CNRIP1: variants seen among roughly 807,000 people sequenced by gnomAD.
The protein encoded by CNRIP1 is CB1 cannabinoid receptor-interacting protein 1.
A neutral mutation model predicts 15.2 loss-of-function variants in CNRIP1; 10 were observed. The observed-to-expected ratio is 0.66, with a 90% CI of 0.41 to 1.12. The LOEUF is 1.12. CNRIP1 is among the 50% of genes most tolerant of loss of function. The pLI is 0.00. For missense variants in CNRIP1, 211 were observed against 214.7 expected, an observed-to-expected ratio of 0.98 and a Z score of 0.11; for synonymous variants, 91 against 83.2, an observed-to-expected ratio of 1.09 and a Z score of -0.51.
chr2:68,309,187 AG>A (rs1485967829), intron 2 of CNRIP1, among the ~76,000 whole-genome samples: 1 of 152,184 alleles, frequency 6.6e-6, no homozygotes, highest in Non-Finnish European at 1.5e-5. Context: ...AACTTGTTTA[AG>A]GGTGTTGTTT....
chr2:68,304,727 T>C (rs1279414073), intron 2 of CNRIP1, among the ~76,000 whole-genome samples: 1 of 151,952 alleles, frequency 6.6e-6, no homozygotes, highest in Non-Finnish European at 1.5e-5. Flanking sequence ...TTCATGCCAT[T>C]CTCCTGCCTC....
chr2:68,291,097 A>G (rs1027325186), downstream of CNRIP1, among the ~76,000 whole-genome samples: 1 of 152,220 alleles, frequency 6.6e-6, no homozygotes, highest in African/African-American at 2.4e-5. Flanking sequence ...AGAAGTAGCC[A>G]GAGAGACTGG....
At chr2:68,308,008 CAT>C (rs1671922626) in intron 2 of CNRIP1, among the ~76,000 whole-genome samples, 1 of 152,002 alleles carries the variant, frequency 6.6e-6, no homozygotes, top group South Asian at 2.1e-4. Context: ...GCCTGGGCAA[CAT>C]AGTGAGACTC....
At chr2:68,306,695 C>T (rs372856363) in intron 2 of CNRIP1, among the ~76,000 whole-genome samples, 1 of 151,558 alleles carries the variant, frequency 6.6e-6, no homozygotes, top group East Asian at 1.9e-4. Context: ...GCAGGAGAAT[C>T]GCTTGAACCT....
intron 2 of CNRIP1, among the ~76,000 whole-genome samples, chr2:68,285,668 A>AG (rs1553413239): frequency 6.4e-5 from 8 of 124,456 alleles, no homozygotes; most frequent in African/African-American, 2.4e-4. Context: ...AAAAAAAAAA[A>AG]AAAAGAAAAG....
chr2:68,294,086 A>G (rs1487837732), intron 2 of CNRIP1, 60 bp from the exon 3 acceptor site: 1 of 1,534,206 alleles, frequency 6.5e-7, no homozygotes, highest in Non-Finnish European at 8.9e-7. Context: ...AATAGATGAG[A>G]GCTAACATTA....
At chr2:68,306,445 T>A (rs1443223507) in intron 2 of CNRIP1, among the ~76,000 whole-genome samples, 5 of 152,088 alleles carry the variant, frequency 3.3e-5, no homozygotes, top group African/African-American at 1.2e-4. Context: ...TATTCCACTA[T>A]CTAATCTCTA....
chr2:68,293,877 C>CT lies in CNRIP1; in HGVS notation c.479dup (p.Glu161GlyfsTer24). ...AGAGCCACTTTCAGAGGAAGGACTC[C>CT]TTGTTCACCCACATCAGACTGCGTG... On this transcript the variant is annotated frameshift_variant, in exon 3 of 3. Transcript: ENST00000263655. LOFTEE classifies it high-confidence loss of function. 6.2e-7 allele frequency: 1 copy of CT among 1,613,670 alleles called. No homozygotes were observed. The highest frequency in any genetic ancestry group is 8.5e-7 in the Non-Finnish European group (1 of 1,179,702).
chr2:68,286,937 T>G (rs993458254), intron 2 of CNRIP1, among the ~76,000 whole-genome samples: 1 of 152,218 alleles, frequency 6.6e-6, no homozygotes, highest in Non-Finnish European at 1.5e-5. Context: ...ATCATATATA[T>G]AAAATGTCTG....
intron 2 of CNRIP1, among the ~76,000 whole-genome samples, chr2:68,299,417 G>A (rs544394197): frequency 2.2e-4 from 34 of 152,224 alleles, no homozygotes; most frequent in African/African-American, 8.2e-4. Flanking sequence ...CATGAGGGTG[G>A]AGCCCACATG....
intron 2 of CNRIP1, among the ~76,000 whole-genome samples, chr2:68,284,734 C>G (rs1670984868): frequency 6.8e-6 from 1 of 148,108 alleles, no homozygotes; most frequent in South Asian, 2.2e-4. Flanking sequence ...TCACTTGAAG[C>G]TGGGAGGCAG....
intron 1 of CNRIP1, among the ~76,000 whole-genome samples, chr2:68,317,676 C>A (rs1299782308): frequency 6.6e-6 from 1 of 152,080 alleles, no homozygotes; most frequent in Non-Finnish European, 1.5e-5. Context: ...GTACCTCAAG[C>A]CTTCTACACC....
intron 2 of CNRIP1, among the ~76,000 whole-genome samples, chr2:68,309,951 G>A (rs536734049): frequency 7.7e-5 from 11 of 143,004 alleles, no homozygotes; most frequent in South Asian, 6.4e-4. Flanking sequence ...TTATATTTAC[G>A]TATGTATGTA....
chr2:68,314,761 T>C (rs1279767253), intron 2 of CNRIP1, among the ~76,000 whole-genome samples: 1 of 152,088 alleles, frequency 6.6e-6, no homozygotes, highest in Non-Finnish European at 1.5e-5. Context: ...ATTTTTGCAA[T>C]ATAAGAAATT....
intron 2 of CNRIP1, among the ~76,000 whole-genome samples, chr2:68,301,687 C>T (rs577126602): frequency 2.0e-5 from 3 of 151,902 alleles, no homozygotes; most frequent in Admixed American, 6.6e-5. Flanking sequence ...GTCAGGAGAT[C>T]GAGACCATCC....
In CNRIP1 at chr2:68,319,754, T is replaced by G. The variant is rs1027926604; in HGVS notation, c.-354A>C. ...ATCCGCGCAGCTGGGGGCGAGGGAGTTAATCCTGTTTACGCACCACAATCC... is the reference window on the plus strand; with the variant it reads ...ATCCGCGCAGCTGGGGGCGAGGGAGGTAATCCTGTTTACGCACCACAATCC... On this transcript the variant is annotated 5_prime_UTR_variant, in exon 1 of 3. Transcript: ENST00000263655. 2 of 240,858 alleles carry G rather than the reference T, an allele frequency of 8.3e-6. No homozygotes were observed. Among genetic ancestry groups the G allele is most frequent in the African/African-American group, 4.6e-5 (2 of 43,340 alleles). 14.9% of individuals were successfully genotyped at this position (240,858 alleles called of 1,614,324 possible). A position where few individuals can be genotyped will look rare whatever the true frequency, so the allele number is the denominator to read the frequency against.
intron 2 of CNRIP1, among the ~76,000 whole-genome samples, chr2:68,303,467 G>A (rs987798553): frequency 6.6e-6 from 1 of 152,176 alleles, no homozygotes; most frequent in Non-Finnish European, 1.5e-5. Context: ...GACCTGAGCT[G>A]TAATTTCCTG....
At chr2:68,301,511 C>T (rs1671603502) in intron 2 of CNRIP1, among the ~76,000 whole-genome samples, 1 of 152,122 alleles carries the variant, frequency 6.6e-6, no homozygotes, top group Non-Finnish European at 1.5e-5. Context: ...CATTCCAGGT[C>T]TTAGCCAGTA....
At chr2:68,306,122 T>TAAAAAA (rs1413570488) in intron 2 of CNRIP1, among the ~76,000 whole-genome samples, 1 of 3,944 alleles carries the variant, frequency 2.5e-4, no homozygotes, top group East Asian at 9.1e-3. Flanking sequence ...ACCCCACCTC[T>TAAAAAA]ACAAAAAAAA....
Sources: gnomAD v4.1 joint callset for allele counts (sites outside exome capture counted in the v4.1 genomes callset) on GRCh38, gnomAD v4.1.1 for gene constraint, MANE v1.5 for transcripts, NCBI Gene and HGNC (gene_info 2026-07-23, HGNC 2026-07-21) for gene names.